The following PLEKHA4 variants were observed in gnomAD, a reference collection of about 807,000 sequenced individuals.
PLEKHA4 encodes the protein pleckstrin homology domain containing A4.
Under a neutral mutation model 94.7 loss-of-function variants are expected in PLEKHA4, and 73 were observed. The ratio of observed to expected loss-of-function variants is 0.77; its 90% CI spans 0.64 to 0.94. PLEKHA4 has a LOEUF of 0.94. Among genes scored for constraint, PLEKHA4 ranks in the 40% least tolerant of loss-of-function variants. The probability of loss-of-function intolerance (pLI) is 0.00; values close to 1 mark genes in which losing one functional copy is unlikely to be tolerated. For synonymous variants in PLEKHA4, 449 were observed against 437.1 expected, an observed-to-expected ratio of 1.03 and a Z score of -0.34; for missense variants, 1,049 against 1,054.1, an observed-to-expected ratio of 1.00 and a Z score of 0.07.
In PLEKHA4 at chr19:48,853,834, G is replaced by A; in HGVS notation, c.1177-3C>T. 6.2e-7 allele frequency: 1 copy of A among 1,602,050 alleles called. No homozygotes were observed. Among genetic ancestry groups the A allele is most frequent in the Non-Finnish European group, 8.5e-7 (1 of 1,174,096 alleles). On this transcript the variant is annotated splice_region_variant and splice_polypyrimidine_tract_variant and intron_variant, in intron 11 of 19. Transcript: ENST00000263265. ...TCCAGAGCTGCTTCTAGTTGCTCCT[G>A]CACCAAGACAGAAGGTGGTTAGACT...
At chr19:48,838,511 C>T (rs368477429) in intron 18 of PLEKHA4, among the ~76,000 whole-genome samples, 1 of 148,854 alleles carries the variant, frequency 6.7e-6, no homozygotes, top group South Asian at 2.1e-4. Flanking sequence ...TCCCTGTAAT[C>T]CCAGCACCTT....
intron 3 of PLEKHA4, among the ~76,000 whole-genome samples, chr19:48,862,453 G>A (rs1260364912): frequency 1.3e-5 from 2 of 151,712 alleles, no homozygotes; most frequent in South Asian, 2.1e-4. Context: ...TACCCACCTC[G>A]GCCTCCCAAA....
At chr19:48,856,109 T>G (rs1434891446) in intron 9 of PLEKHA4, among the ~76,000 whole-genome samples, 1 of 147,094 alleles carries the variant, frequency 6.8e-6, no homozygotes, top group East Asian at 2.0e-4. Context: ...GAGGGGAGGT[T>G]GCGGTGAGCC....
intron 3 of PLEKHA4, among the ~76,000 whole-genome samples, chr19:48,863,460 T>G (rs555137163): frequency 6.5e-4 from 94 of 145,512 alleles, no homozygotes; most frequent in Non-Finnish European, 2.6e-4. Flanking sequence ...GACGGAGTCT[T>G]CGCTCTGTCA....
chr19:48,842,720 C>A (rs766309372), intron 16 of PLEKHA4, among the ~76,000 whole-genome samples: 1 of 152,130 alleles, frequency 6.6e-6, no homozygotes, highest in Non-Finnish European at 1.5e-5. Context: ...CAGAAGTAAG[C>A]CCCTTCTCCA....
intron 18 of PLEKHA4, among the ~76,000 whole-genome samples, chr19:48,838,833 C>T (rs960167353): frequency 1.3e-5 from 2 of 151,834 alleles, no homozygotes; most frequent in African/African-American, 2.4e-5. Flanking sequence ...AGTGGGGACC[C>T]GGGTACCGCA....
intron 18 of PLEKHA4, among the ~76,000 whole-genome samples, chr19:48,838,696 G>T (rs1275325158): frequency 6.6e-6 from 1 of 150,742 alleles, no homozygotes; most frequent in Non-Finnish European, 1.5e-5. Context: ...GAACCCAGAA[G>T]GCGGAGGTTG....
chr19:48,861,382 C>T lies in PLEKHA4; in HGVS notation c.366+19G>A, dbSNP rs771116506. 10 of 1,603,768 alleles carry T rather than the reference C, an allele frequency of 6.2e-6. No individual in the cohort carries two copies. Among genetic ancestry groups the T allele is most frequent in the East Asian group, 4.5e-5 (2 of 44,848 alleles). Reference sequence around the variant, plus strand: ...CCAGTTCCCATCGCCTGGTGCACAACATGGATGGATGGACTCACGGTGAAG... The same window carrying T: ...CCAGTTCCCATCGCCTGGTGCACAATATGGATGGATGGACTCACGGTGAAG... On this transcript the variant is annotated intron_variant, in intron 5 of 19. Coordinates refer to ENST00000263265, the MANE Select transcript of PLEKHA4 (RefSeq NM_020904.3).
In PLEKHA4 at chr19:48,841,166, G is replaced by T; in HGVS notation, c.1888C>A (p.Pro630Thr). The change falls in exon 17 of 20, where the codon CCT becomes ACT. Residue 630 changes from proline (P) to threonine (T), a missense_variant. Coordinates refer to ENST00000263265, the MANE Select transcript of PLEKHA4 (RefSeq NM_020904.3). ...CCCCTCACCCTTTGCTCCACGTCAG[G>T]CTGGCGTCTGGCTGGGGACAGTGTC... ...GRTLSPARRQ[P>T]DVEQRPVVGH... 1.9e-6 allele frequency: 3 copies of T among 1,610,818 alleles called. No individual in the cohort carries two copies. The highest frequency in any genetic ancestry group is 2.5e-6 in the Non-Finnish European group (3 of 1,178,692).
At chr19:48,850,653 C>A (rs1383416317) in intron 13 of PLEKHA4, among the ~76,000 whole-genome samples, 2 of 146,688 alleles carry the variant, frequency 1.4e-5, no homozygotes, top group Non-Finnish European at 3.0e-5. Context: ...CCCCGTCTCT[C>A]ATAAAACTAC....
intron 2 of PLEKHA4, among the ~76,000 whole-genome samples, chr19:48,866,065 T>C (rs2036825274): frequency 6.6e-6 from 1 of 150,910 alleles, no homozygotes; most frequent in South Asian, 2.1e-4. Flanking sequence ...GGGGCTGAAG[T>C]TGGAGATCAG....
In PLEKHA4 at chr19:48,858,847, C is replaced by T; in HGVS notation, c.972+13G>A. 6.2e-7 allele frequency: 1 copy of T among 1,613,420 alleles called. No homozygotes were observed. Among genetic ancestry groups the T allele is most frequent in the Non-Finnish European group, 8.5e-7 (1 of 1,179,804 alleles). On this transcript the variant is annotated intron_variant, in intron 8 of 19. Coordinates refer to ENST00000263265, the MANE Select transcript of PLEKHA4 (RefSeq NM_020904.3). ...GGGAAACGTAGTCCCCTCCTTCTCA[C>T]CTCTCTGCTCACCTGTGTTCTGGGC...
In PLEKHA4 at chr19:48,841,188, T is replaced by C. The variant is rs1404113950; in HGVS notation, c.1866A>G (p.Thr622=). 1.9e-6 allele frequency: 3 copies of C among 1,612,392 alleles called. No individual in the cohort carries two copies. The highest frequency in any genetic ancestry group is 1.3e-5 in the African/African-American group (1 of 75,024). Residue 622 remains threonine, a synonymous_variant, in exon 17 of 20, where the codon ACA becomes ACG. Transcript: ENST00000263265. The part of the protein sequence containing the change: ...TSPRLLTLGR[T]LSPARRQPDV... ...CAGGCTGGCGTCTGGCTGGGGACAG[T>C]GTCCTTCCCAGGGTGAGAAGCCGGG...
intron 13 of PLEKHA4, among the ~76,000 whole-genome samples, chr19:48,850,966 C>T (rs2036162602): frequency 1.3e-5 from 2 of 151,170 alleles, no homozygotes; most frequent in African/African-American, 2.4e-5. Context: ...ATGGTGAAAC[C>T]CCCCTCTCTA....
Position 48,845,593 on chromosome 19 carries a change from C to G in PLEKHA4, c.1590G>C (p.Leu530=). ...ERESLPESLE[L]SSPRSPETDW... ...CAGTCTCGGGGGACCTAGGGGAGCT[C>G]AGTTCCAAGGACTCTGGCAGGCTCT... is the stretch of plus-strand genomic sequence containing the variant. The change falls in exon 15 of 20, where the codon CTG becomes CTC. Residue 530 remains leucine, a synonymous_variant. Transcript: ENST00000263265. 1 of 1,601,216 alleles carries G rather than the reference C, an allele frequency of 6.2e-7. No homozygotes were observed. The highest frequency in any genetic ancestry group is 1.3e-5 in the African/African-American group (1 of 74,212).
rs1310884790 is a variant in PLEKHA4 at position 48,839,231 on chromosome 19, C to T, written c.1938G>A (p.Trp646Ter). Reference protein sequence around the residue: ...PVVGHSGAQKWLRSSGSWSSP... With the variant: ...PVVGHSGAQK Reference sequence around the variant, plus strand: ...TACTCCAGGACCCAGAGCTTCTGAGCCATTTCTGGGCTCCCGAGTGTCCTA... The same window carrying T: ...TACTCCAGGACCCAGAGCTTCTGAGTCATTTCTGGGCTCCCGAGTGTCCTA... Residue 646 changes from tryptophan (W) to a stop codon, truncating the protein, a stop_gained, in exon 18 of 20, where the codon TGG (tryptophan) becomes TGA (stop). Transcript: ENST00000263265. LOFTEE classifies it high-confidence loss of function. The T allele has an allele frequency of 6.3e-7, 1 of 1,596,532 alleles. No individual in the cohort carries two copies. Among genetic ancestry groups the T allele is most frequent in the South Asian group, 1.1e-5 (1 of 89,100 alleles).
intron 16 of PLEKHA4, among the ~76,000 whole-genome samples, chr19:48,842,151 T>C (rs1268590847): frequency 6.7e-6 from 1 of 149,002 alleles, no homozygotes; most frequent in Non-Finnish European, 1.5e-5. Context: ...TTCTTTTTTT[T>C]TTTTTTTTTT....
At chr19:48,858,483 C>T (rs977392976) in intron 8 of PLEKHA4, among the ~76,000 whole-genome samples, 2 of 151,778 alleles carry the variant, frequency 1.3e-5, no homozygotes, top group Non-Finnish European at 1.5e-5. Context: ...AAAAATCAGC[C>T]GGACGTGGTG....
chr19:48,840,966 G>A (rs1245719704), intron 17 of PLEKHA4, among the ~76,000 whole-genome samples, 183 bp downstream of exon 17: 2 of 140,154 alleles, frequency 1.4e-5, no homozygotes, highest in Non-Finnish European at 3.0e-5. Flanking sequence ...TGCCACTCCT[G>A]TCCACCCACC....
Sources: allele counts gnomAD v4.1 joint callset (sites outside exome capture counted in the v4.1 genomes callset), GRCh38; gene constraint gnomAD v4.1.1; transcripts MANE v1.5; gene names NCBI Gene and HGNC (gene_info 2026-07-23, HGNC 2026-07-21).